PTPRM: variants seen among roughly 807,000 people sequenced by gnomAD.
The protein encoded by PTPRM is receptor-type tyrosine-protein phosphatase mu.
PTPRM carries 47 observed loss-of-function variants against 186.7 expected under a neutral mutation model. The observed-to-expected ratio is 0.25, with a 90% CI of 0.20 to 0.32. The LOEUF (loss-of-function observed/expected upper bound fraction) is 0.32, where lower values mean the gene tolerates loss of function less well. Among genes scored for constraint, PTPRM ranks in the 10% least tolerant of loss-of-function variants. PTPRM has a pLI of 1.00. For synonymous variants in PTPRM, 668 were observed against 674.9 expected, an observed-to-expected ratio of 0.99 and a Z score of 0.16; for missense variants, 1,494 against 1,865.0, an observed-to-expected ratio of 0.80 and a Z score of 3.66.
At chr18:7,704,109 A>G (rs145486386) in intron 1 of PTPRM, among the ~76,000 whole-genome samples, 3 of 152,354 alleles carry the variant, frequency 2.0e-5, no homozygotes, top group East Asian at 3.9e-4. Context: ...ATCGACGTTC[A>G]TCAGGCATAT....
chr18:8,110,160 G>A (rs979803265), intron 11 of PTPRM, among the ~76,000 whole-genome samples: 1 of 152,132 alleles, frequency 6.6e-6, no homozygotes, highest in South Asian at 2.1e-4. Flanking sequence ...CTTCACAGCC[G>A]AAGTGTCACG....
chr18:7,952,366 T>C (rs552077021), intron 6 of PTPRM, among the ~76,000 whole-genome samples: 1 of 152,380 alleles, frequency 6.6e-6, no homozygotes, highest in South Asian at 2.1e-4. Flanking sequence ...CCTTCCTTCT[T>C]TACCTCTTTC....
chr18:7,849,883 A>T (rs1040259769), intron 2 of PTPRM, among the ~76,000 whole-genome samples: 4 of 152,210 alleles, frequency 2.6e-5, no homozygotes, highest in Admixed American at 2.6e-4. Context: ...GTAAGATGCT[A>T]CTTACGTTGA....
intron 32 of PTPRM, among the ~76,000 whole-genome samples, chr18:8,398,694 C>G (rs1357429833): frequency 6.7e-6 from 1 of 150,140 alleles, no homozygotes; most frequent in African/African-American, 2.5e-5. Context: ...CACTTGAACT[C>G]AGGAGGCAGA....
intron 1 of PTPRM, among the ~76,000 whole-genome samples, chr18:7,773,566 CT>C (rs1568111047): frequency 2.3e-5 from 2 of 88,578 alleles, no homozygotes; most frequent in African/African-American, 1.3e-4. Context: ...TTTTTCTTTT[CT>C]TTGTTTTTTT....
At chr18:8,002,030 G>A (rs1388560287) in intron 7 of PTPRM, among the ~76,000 whole-genome samples, 2 of 152,130 alleles carry the variant, frequency 1.3e-5, no homozygotes, top group East Asian at 3.9e-4. Context: ...GTGGAAAACT[G>A]CTCCTGATTA....
intron 5 of PTPRM, among the ~76,000 whole-genome samples, chr18:7,947,259 G>T (rs1321284722): frequency 6.6e-6 from 1 of 152,046 alleles, no homozygotes; most frequent in African/African-American, 2.4e-5. Context: ...TATGCCTGTG[G>T]GTTCTCCCAG....
chr18:7,910,110 G>A (rs780969433), intron 4 of PTPRM, among the ~76,000 whole-genome samples: 17 of 152,028 alleles, frequency 1.1e-4, no homozygotes, highest in South Asian at 4.1e-4. Flanking sequence ...CTTAAAAGCC[G>A]TATGTAATTT....
chr18:7,791,424 A>G (rs1343797355), intron 2 of PTPRM, among the ~76,000 whole-genome samples: 2 of 152,318 alleles, frequency 1.3e-5, no homozygotes, highest in East Asian at 3.9e-4. Context: ...TTGTGGTCCC[A>G]GCTTGGAGGT....
At chr18:7,810,629 G>T (rs2044463525) in intron 2 of PTPRM, among the ~76,000 whole-genome samples, 1 of 151,956 alleles carries the variant, frequency 6.6e-6, no homozygotes, top group South Asian at 2.1e-4. Flanking sequence ...GGGGTGGGGG[G>T]AGGAGGGACA....
chr18:8,257,288 T>G (rs2094583575), intron 19 of PTPRM, among the ~76,000 whole-genome samples: 2 of 152,046 alleles, frequency 1.3e-5, no homozygotes, highest in African/African-American at 2.4e-5. Flanking sequence ...TATGCCTGAG[T>G]CCCAGGACGG....
At chr18:8,038,221 C>G (rs531017666) in intron 7 of PTPRM, among the ~76,000 whole-genome samples, 23 of 152,072 alleles carry the variant, frequency 1.5e-4, no homozygotes, top group African/African-American at 5.3e-4. Flanking sequence ...TGGACTTGAT[C>G]TCTGGAATTT....
intron 13 of PTPRM, among the ~76,000 whole-genome samples, chr18:8,124,168 C>T (rs2145846544): frequency 6.6e-6 from 1 of 152,264 alleles, no homozygotes; most frequent in Admixed American, 6.5e-5. Flanking sequence ...TGATCTACCT[C>T]ATTTACTTTG....
intron 9 of PTPRM, among the ~76,000 whole-genome samples, chr18:8,083,872 G>A (rs2090286707): frequency 6.6e-6 from 1 of 152,110 alleles, no homozygotes. Context: ...CCTCTGACCA[G>A]AACAGAAAGG....
chr18:7,668,588 A>G lies in PTPRM; in HGVS notation c.73+100697A>G, dbSNP rs1407339301. Among the ~76,000 whole-genome samples the G allele has an allele frequency of 6.6e-6, 1 of 152,098 alleles. No individual in the cohort carries two copies. The highest frequency in any genetic ancestry group is 1.5e-5 in the Non-Finnish European group (1 of 68,024). On this transcript the variant is annotated intron_variant, in intron 1 of 32. Coordinates refer to ENST00000580170, the MANE Select transcript of PTPRM (RefSeq NM_001105244.2). This position sits in a 1 kb window ranked among gnomAD's most constrained non-coding sequence, Gnocchi z 4.7. Reference sequence around the variant, plus strand: ...CCTCACAGTGGCCTCTGAGTCCTGCATGGCCTGGCCCCATCACCTCTGTGA... The same window carrying G: ...CCTCACAGTGGCCTCTGAGTCCTGCGTGGCCTGGCCCCATCACCTCTGTGA...
chr18:8,333,777 C>A (rs1346529623), intron 22 of PTPRM, among the ~76,000 whole-genome samples: 1 of 152,166 alleles, frequency 6.6e-6, no homozygotes, highest in Non-Finnish European at 1.5e-5. Flanking sequence ...AAGGAGGGAG[C>A]CCAGGTTTCC....
At chr18:8,209,883 A>C (rs7227119) in intron 14 of PTPRM, among the ~76,000 whole-genome samples, 63,119 of 150,630 alleles carry the variant, frequency 0.42, 13,958 homozygotes, top group East Asian at 0.8. Flanking sequence ...TGGGGCTTAA[A>C]ACCTAGATGA....
chr18:7,997,578 A>G (rs2083613619), intron 7 of PTPRM, among the ~76,000 whole-genome samples: 2 of 152,220 alleles, frequency 1.3e-5, no homozygotes, highest in African/African-American at 4.8e-5. Context: ...CAATCAAGAA[A>G]GTGAAGAGAC....
At chr18:8,238,493 A>G (rs1366333010) in intron 14 of PTPRM, among the ~76,000 whole-genome samples, 2 of 151,916 alleles carry the variant, frequency 1.3e-5, no homozygotes, top group South Asian at 4.2e-4. Flanking sequence ...TACATTACCT[A>G]TCTGTTCTTG....
Sources: allele counts gnomAD v4.1 joint callset (sites outside exome capture counted in the v4.1 genomes callset), GRCh38; gene constraint gnomAD v4.1.1; non-coding constraint Gnocchi (gnomAD v3.1); transcripts MANE v1.5; gene names NCBI Gene and HGNC (gene_info 2026-07-23, HGNC 2026-07-21).